Variants in CNTNAP2 observed in about 807,000 individuals in gnomAD.
CNTNAP2 encodes the protein contactin associated protein 2, also known as contactin-associated protein-like 2.
Under a neutral mutation model 155.2 loss-of-function variants are expected in CNTNAP2, and 98 were observed. The observed-to-expected ratio is 0.63, with a 90% CI of 0.54 to 0.75. The LOEUF is 0.75. Among genes scored for constraint, CNTNAP2 ranks in the 30% least tolerant of loss-of-function variants. The pLI, the probability that CNTNAP2 is intolerant of heterozygous loss-of-function variation, is 0.00. For missense variants in CNTNAP2, 1,727 were observed against 1,688.1 expected (o/e 1.02, Z -0.40); for synonymous variants, 651 against 631.2 (o/e 1.03, Z -0.47).
chr7:146,549,357 T>A (rs533696592), intron 1 of CNTNAP2, among the ~76,000 whole-genome samples: 28 of 152,064 alleles, frequency 1.8e-4, no homozygotes, highest in Non-Finnish European at 1.9e-4. Flanking sequence ...CTTATTTGTT[T>A]ATATTGAATC....
chr7:146,785,595 A>C (rs1802562221), intron 2 of CNTNAP2, among the ~76,000 whole-genome samples: 1 of 152,236 alleles, frequency 6.6e-6, no homozygotes, highest in African/African-American at 2.4e-5. Flanking sequence ...TTCTTGTTCC[A>C]AAAAACTATC....
intron 13 of CNTNAP2, among the ~76,000 whole-genome samples, chr7:147,695,080 T>C (rs1009973709): frequency 1.3e-5 from 2 of 152,200 alleles, no homozygotes; most frequent in African/African-American, 2.4e-5. Context: ...TTTCTTGTAA[T>C]TTATTTTTTC....
In CNTNAP2 at chr7:146,671,429, TCA is replaced by T. The variant is rs147594471; in HGVS notation, c.98-102820_98-102819del. On this transcript the variant is annotated intron_variant, in intron 1 of 23. Transcript: ENST00000361727. Reference sequence around the variant, plus strand: ...CCCTGTTTCTCTCTTTTTTTGTCACTCACACACACACACACACACACACGGAC... The same window carrying T: ...CCCTGTTTCTCTCTTTTTTTGTCACTCACACACACACACACACACACGGAC... 6.9e-3 allele frequency among the ~76,000 whole-genome samples: 1,028 copies of T among 148,310 alleles called. 5 individuals are homozygous for T. Among genetic ancestry groups the T allele is most frequent in the African/African-American group, 0.012 (489 of 40,598 alleles).
At chr7:146,642,774 A>C (rs1283302591) in intron 1 of CNTNAP2, among the ~76,000 whole-genome samples, 6 of 151,950 alleles carry the variant, frequency 3.9e-5, no homozygotes, top group Admixed American at 3.9e-4. Flanking sequence ...CAGTCCCACC[A>C]ACAGTGTAAA....
At chr7:146,841,049 A>C (rs1803711507) in intron 3 of CNTNAP2, among the ~76,000 whole-genome samples, 1 of 152,230 alleles carries the variant, frequency 6.6e-6, no homozygotes, top group South Asian at 2.1e-4. Flanking sequence ...GGCATAATTT[A>C]TAGAAAAGTG....
At position 146,757,384 on chromosome 7, in the gene CNTNAP2, G is replaced by A. The variant is rs543189954; in HGVS notation, c.98-16887G>A. 2.6e-5 allele frequency among the ~76,000 whole-genome samples: 4 copies of A among 152,114 alleles called. No individual in the cohort carries two copies. In the South Asian group the frequency reaches 8.3e-4, roughly 31 times the overall value. ...TATGAATCCATATCAGCATTTAGGG[G>A]TTTGTTTTATAATGTTCCTTAAATA... On this transcript the variant is annotated intron_variant, in intron 1 of 23. Transcript: ENST00000361727.
chr7:147,414,752 T>C (rs1288169058), intron 10 of CNTNAP2, among the ~76,000 whole-genome samples: 1 of 151,812 alleles, frequency 6.6e-6, no homozygotes, highest in Admixed American at 6.6e-5. Flanking sequence ...CTATCCTGGC[T>C]AACAAGGTGA....
At chr7:147,910,972 G>T (rs990222341) in intron 14 of CNTNAP2, among the ~76,000 whole-genome samples, 4 of 152,012 alleles carry the variant, frequency 2.6e-5, no homozygotes, top group Non-Finnish European at 4.4e-5. Context: ...CACATAAAAT[G>T]AACTATCTTA....
intron 8 of CNTNAP2, among the ~76,000 whole-genome samples, chr7:147,232,841 G>T (rs1803715324): frequency 6.6e-6 from 1 of 152,072 alleles, no homozygotes; most frequent in African/African-American, 2.4e-5. Flanking sequence ...CCATTTCAGG[G>T]TGATCTGTAA....
intron 1 of CNTNAP2, among the ~76,000 whole-genome samples, chr7:146,544,793 C>T (rs1327772559): frequency 1.3e-5 from 2 of 151,780 alleles, no homozygotes; most frequent in African/African-American, 4.8e-5. Flanking sequence ...AAATGTGGTT[C>T]TTGCTAAGGA....
intron 1 of CNTNAP2, among the ~76,000 whole-genome samples, chr7:146,602,030 A>C (rs1798958659): frequency 6.6e-6 from 1 of 152,304 alleles, no homozygotes; most frequent in South Asian, 2.1e-4. Flanking sequence ...CTTGTAGGTA[A>C]AGACAAATGT....
At chr7:146,313,962 G>T (rs1178663655) in intron 1 of CNTNAP2, among the ~76,000 whole-genome samples, 7 of 152,050 alleles carry the variant, frequency 4.6e-5, no homozygotes, top group South Asian at 4.1e-4. Flanking sequence ...TGGCACCACT[G>T]CACTCCGGTC....
intron 14 of CNTNAP2, among the ~76,000 whole-genome samples, chr7:147,939,090 A>C (rs1221355251): frequency 6.6e-6 from 1 of 152,176 alleles, no homozygotes; most frequent in Non-Finnish European, 1.5e-5. Flanking sequence ...GGCTAGATGT[A>C]TGTACGATGA....
At chr7:147,060,447 G>A (rs1346985280) in intron 4 of CNTNAP2, among the ~76,000 whole-genome samples, 1 of 152,138 alleles carries the variant, frequency 6.6e-6, no homozygotes, top group African/African-American at 2.4e-5. Flanking sequence ...TGCAGGCTGG[G>A]CACGATGGCT....
chr7:147,632,320 C>T (rs1300581963), intron 12 of CNTNAP2, among the ~76,000 whole-genome samples: 1 of 152,142 alleles, frequency 6.6e-6, no homozygotes, highest in Non-Finnish European at 1.5e-5. Flanking sequence ...ACCCAAATCT[C>T]ATCTTGAATT....
intron 11 of CNTNAP2, among the ~76,000 whole-genome samples, chr7:147,521,395 C>A (rs1296709690): frequency 6.6e-6 from 1 of 152,174 alleles, no homozygotes; most frequent in Non-Finnish European, 1.5e-5. Flanking sequence ...ATCAAAATGT[C>A]TGCTTTATTA....
At chr7:147,793,389 A>G (rs183853793) in intron 13 of CNTNAP2, among the ~76,000 whole-genome samples, 6 of 152,200 alleles carry the variant, frequency 3.9e-5, no homozygotes, top group Admixed American at 1.3e-4. Context: ...GTCAAACTTT[A>G]TACTTTTGCA....
intron 1 of CNTNAP2, among the ~76,000 whole-genome samples, chr7:146,616,734 C>T (rs1449463712): frequency 6.6e-6 from 1 of 152,216 alleles, no homozygotes; most frequent in East Asian, 1.9e-4. Flanking sequence ...AACTTTCCCA[C>T]TGCACTGCCA....
At chr7:148,305,722 T>C (rs1797479970) in intron 21 of CNTNAP2, among the ~76,000 whole-genome samples, 1 of 152,098 alleles carries the variant, frequency 6.6e-6, no homozygotes. Context: ...GAGAACCCAC[T>C]CACACTATCA....
Sources: allele counts gnomAD v4.1 joint callset (sites outside exome capture counted in the v4.1 genomes callset), GRCh38; gene constraint gnomAD v4.1.1; transcripts MANE v1.5; gene names NCBI Gene and HGNC (gene_info 2026-07-23, HGNC 2026-07-21).